The following C2CD3 variants were observed in gnomAD, a reference collection of about 807,000 sequenced individuals.
The protein encoded by C2CD3 is C2 domain-containing protein 3.
A neutral mutation model predicts 234.0 loss-of-function variants in C2CD3; 148 were observed. The ratio of observed to expected loss-of-function variants is 0.63; its 90% CI spans 0.55 to 0.72. C2CD3 has a LOEUF of 0.72. C2CD3 is among the 30% of genes least tolerant of loss of function. The pLI, the probability that C2CD3 is intolerant of heterozygous loss-of-function variation, is 0.00. For missense variants in C2CD3, 2,577 were observed against 2,811.5 expected (o/e 0.92, Z 1.89); for synonymous variants, 1,000 against 1,035.4 (o/e 0.97, Z 0.66).
intron 24 of C2CD3, among the ~76,000 whole-genome samples, chr11:74,061,018 G>A (rs1335843194): frequency 2.0e-5 from 3 of 152,184 alleles, no homozygotes; most frequent in Non-Finnish European, 4.4e-5. Flanking sequence ...GTGGAAGAAA[G>A]GGTATCAGTG....
At chr11:74,024,561 C>T (rs1952216186) in intron 32 of C2CD3, among the ~76,000 whole-genome samples, 1 of 152,152 alleles carries the variant, frequency 6.6e-6, no homozygotes, top group South Asian at 2.1e-4. Context: ...GATGATGGTG[C>T]TCCTGCTCAA....
chr11:74,059,761 G>A (rs1039531133), intron 24 of C2CD3, among the ~76,000 whole-genome samples: 6 of 152,228 alleles, frequency 3.9e-5, no homozygotes, highest in African/African-American at 9.7e-5. Flanking sequence ...CTGAGGTACC[G>A]GGTTCATCTC....
At position 74,037,593 on chromosome 11, in the gene C2CD3, G is replaced by C; in HGVS notation, c.5766C>G (p.His1922Gln). The change falls in exon 30 of 33, where the codon CAC (histidine) becomes CAG (glutamine). Residue 1922 changes from histidine (H) to glutamine (Q), a missense_variant. By Grantham distance (24) the His-to-Gln change is conservative. Coordinates refer to ENST00000334126, the MANE Select transcript of C2CD3 (RefSeq NM_001286577.2). ...SPQTQTAISQ[H>Q]QESCRDHLGP... ...CAAGATGGTCCCTACAGCTCTCCTG[G>C]TGCTGTGAGATGGCCGTTTGAGTCT... 1 of 1,614,128 alleles carries C rather than the reference G, an allele frequency of 6.2e-7. No homozygotes were observed. Among genetic ancestry groups the C allele is most frequent in the Non-Finnish European group, 8.5e-7 (1 of 1,180,002 alleles).
In C2CD3 at chr11:74,034,040, A is replaced by G. The variant is rs1387353658; in HGVS notation, c.6120T>C (p.His2040=). ...GGRMLHESLR[H]AVPITRMQSS... ...TCTGCATCCTTGTAATGGGTACTGCATGCCTCAGGGACTCATGGAGCATTC... is the reference window on the plus strand; with the variant it reads ...TCTGCATCCTTGTAATGGGTACTGCGTGCCTCAGGGACTCATGGAGCATTC... Residue 2040 remains histidine (H), a synonymous_variant, in exon 31 of 33, where the codon CAT becomes CAC. Coordinates refer to ENST00000334126, the MANE Select transcript of C2CD3 (RefSeq NM_001286577.2). The G allele has an allele frequency of 5.2e-6, 8 of 1,536,348 alleles. No individual in the cohort carries two copies. The highest frequency in any genetic ancestry group is 1.4e-5 in the African/African-American group (1 of 73,028).
intron 25 of C2CD3, among the ~76,000 whole-genome samples, chr11:74,057,059 C>T (rs981093101): frequency 1.3e-5 from 2 of 152,066 alleles, no homozygotes; most frequent in African/African-American, 4.8e-5. Flanking sequence ...TCACCAAACC[C>T]AGCTTGATGG....
intron 29 of C2CD3, among the ~76,000 whole-genome samples, chr11:74,039,497 G>A (rs1256199840): frequency 6.6e-6 from 1 of 152,192 alleles, no homozygotes; most frequent in Non-Finnish European, 1.5e-5. Flanking sequence ...AGAGTCTCAG[G>A]CCTTATCCTA....
chr11:74,033,225 C>A (rs550453233), intron 31 of C2CD3, 126 bp downstream of exon 31: 1 of 721,074 alleles, frequency 1.4e-6, no homozygotes, highest in South Asian at 1.9e-5. Flanking sequence ...CAGGTGGGGT[C>A]TTCTGAAGGA....
intron 30 of C2CD3, chr11:74,034,563 G>A (rs748134264): frequency 6.2e-7 from 1 of 1,613,850 alleles, no homozygotes; most frequent in East Asian, 2.2e-5. Context: ...TGGGAGCTGG[G>A]AGTCCTGGTG....
intron 9 of C2CD3, among the ~76,000 whole-genome samples, chr11:74,115,615 GA>G (rs924167103): frequency 4.6e-5 from 7 of 151,564 alleles, no homozygotes; most frequent in African/African-American, 7.3e-5. Flanking sequence ...ACAGAACTAG[GA>G]AAAAAAATGT....
At chr11:74,067,635 AT>A (rs1375096742) in intron 24 of C2CD3, among the ~76,000 whole-genome samples, 6 of 152,172 alleles carry the variant, frequency 3.9e-5, no homozygotes, top group African/African-American at 1.2e-4. Flanking sequence ...CATATTACTA[AT>A]GTAAATGTAT....
At chr11:74,150,890 G>A (rs1855600029) in intron 3 of C2CD3, among the ~76,000 whole-genome samples, 2 of 151,614 alleles carry the variant, frequency 1.3e-5, no homozygotes, top group Non-Finnish European at 2.9e-5. Flanking sequence ...GGATCCAAAC[G>A]AGTTCCACAG....
At chr11:74,026,734 C>A (rs934417609) in intron 32 of C2CD3, among the ~76,000 whole-genome samples, 2 of 152,086 alleles carry the variant, frequency 1.3e-5, no homozygotes, top group Non-Finnish European at 2.9e-5. Flanking sequence ...CTTTGGGAGG[C>A]TGAGGCAGGC....
chr11:74,060,433 T>A (rs1256267490), intron 24 of C2CD3, among the ~76,000 whole-genome samples: 1 of 152,136 alleles, frequency 6.6e-6, no homozygotes, highest in Non-Finnish European at 1.5e-5. Context: ...GGAGGAAGGA[T>A]CAGGCAGCAA....
chr11:74,078,945 T>A (rs1955200231), intron 22 of C2CD3, among the ~76,000 whole-genome samples: 4 of 152,192 alleles, frequency 2.6e-5, no homozygotes, highest in Admixed American at 2.0e-4. Flanking sequence ...TGGCTATGGC[T>A]AGAACTAGTG....
intron 32 of C2CD3, among the ~76,000 whole-genome samples, chr11:74,024,353 G>A (rs1287748505): frequency 6.6e-6 from 1 of 152,234 alleles, no homozygotes; most frequent in Non-Finnish European, 1.5e-5. Context: ...ATTGAAGCTG[G>A]ATAACCAGTT....
Position 74,085,771 on chromosome 11 carries a change from C to CAG in C2CD3, c.3755_3756dup (p.Val1253LeufsTer21). Reference sequence around the variant, plus strand: ...AACTCAGGGCAGAAAGAACAGGCCACAGGGTGGGTTCGGCGCTGTTCTCCC... The same window carrying CAG: ...AACTCAGGGCAGAAAGAACAGGCCACAGAGGGTGGGTTCGGCGCTGTTCTCCC... On this transcript the variant is annotated frameshift_variant, in exon 21 of 33. Transcript: ENST00000334126. LOFTEE classifies it high-confidence loss of function. 1 of 1,614,086 alleles carries CAG rather than the reference C, an allele frequency of 6.2e-7. No homozygotes were observed. Among genetic ancestry groups the CAG allele is most frequent in the Non-Finnish European group, 8.5e-7 (1 of 1,180,024 alleles).
intron 30 of C2CD3, among the ~76,000 whole-genome samples, chr11:74,035,248 A>C (rs1396606289): frequency 1.3e-5 from 2 of 152,218 alleles, no homozygotes; most frequent in Non-Finnish European, 2.9e-5. Flanking sequence ...AAAATGAAAC[A>C]TTACTACCTG....
intron 28 of C2CD3, among the ~76,000 whole-genome samples, chr11:74,043,402 G>A (rs1953171804): frequency 1.3e-5 from 2 of 152,198 alleles, no homozygotes; most frequent in African/African-American, 4.8e-5. Flanking sequence ...ACGGGCATGA[G>A]TTGCTTCTAC....
In C2CD3 at chr11:74,039,664, T is replaced by C. The variant is rs567014652; in HGVS notation, c.5661-1966A>G. Among the ~76,000 whole-genome samples, 7 of 152,290 alleles carry C rather than the reference T, an allele frequency of 4.6e-5. No homozygotes were observed. In the South Asian group the frequency reaches 1.4e-3, roughly 32 times the overall value. ...TTGTCCCTCAGGATACACTTGGCAA[T>C]GTCTGGAGACATTTTGGGTTGTCAC... On this transcript the variant is annotated intron_variant, in intron 29 of 32. Transcript: ENST00000334126.
Sources: gnomAD v4.1 joint callset for allele counts (sites outside exome capture counted in the v4.1 genomes callset) on GRCh38, gnomAD v4.1.1 for gene constraint, MANE v1.5 for transcripts, NCBI Gene and HGNC (gene_info 2026-07-23, HGNC 2026-07-21) for gene names.